Variants in CDK8 observed in about 807,000 individuals in gnomAD.
CDK8 encodes cyclin dependent kinase 8, also known as cyclin-dependent kinase 8.
CDK8 carries 29 observed loss-of-function variants against 71.5 expected under a neutral mutation model. The ratio of observed to expected loss-of-function variants is 0.41; its 90% CI spans 0.30 to 0.55. CDK8 has a LOEUF of 0.55. CDK8 is among the 20% of genes least tolerant of loss of function. The pLI is 0.37. For missense variants in CDK8, 288 were observed against 572.6 expected, an observed-to-expected ratio of 0.50 and a Z score of 5.07; for synonymous variants, 161 against 192.1, an observed-to-expected ratio of 0.84 and a Z score of 1.34.
At chr13:26,363,099 A>T (rs1490300491) in intron 4 of CDK8, among the ~76,000 whole-genome samples, 1 of 150,318 alleles carries the variant, frequency 6.7e-6, no homozygotes, top group Non-Finnish European at 1.5e-5. Flanking sequence ...AGGTGAGTGG[A>T]TCACGAGGTC....
At chr13:26,284,688 A>G (rs995458104) in intron 1 of CDK8, among the ~76,000 whole-genome samples, 12 of 152,190 alleles carry the variant, frequency 7.9e-5, no homozygotes, top group African/African-American at 2.9e-4. Context: ...TCTATCAGGC[A>G]TTCAGAGAAG....
intron 1 of CDK8, among the ~76,000 whole-genome samples, chr13:26,288,088 G>A (rs1410018204): frequency 6.6e-6 from 1 of 151,924 alleles, no homozygotes; most frequent in Non-Finnish European, 1.5e-5. Flanking sequence ...TCAGCCTCCC[G>A]AGTAGCTGGG....
At position 26,404,215 on chromosome 13, in the gene CDK8, C is replaced by A; in HGVS notation, c.*134C>A. 9.5e-7 allele frequency: 1 copy of A among 1,049,848 alleles called. No individual in the cohort carries two copies. Among genetic ancestry groups the A allele is most frequent in the Non-Finnish European group, 1.4e-6 (1 of 740,686 alleles). The allele number at this position is 1,049,848 out of a possible 1,614,324, so 65.0% of individuals were successfully genotyped here. A position where few individuals can be genotyped will look rare whatever the true frequency, so the allele number is the denominator to read the frequency against. ...CTTCAAAATGTCCAGTAGCCAAGTT[C>A]CACCACTTTTCACAGATTGGGGTAG... On this transcript the variant is annotated 3_prime_UTR_variant, in exon 13 of 13. Coordinates refer to ENST00000381527, the MANE Select transcript of CDK8 (RefSeq NM_001260.3).
Position 26,401,406 on chromosome 13 carries a change from C to A in CDK8, c.1110+59C>A. On this transcript the variant is annotated intron_variant, in intron 11 of 12. Transcript: ENST00000381527. The surrounding 1 kb of genome is among the most constrained non-coding windows in gnomAD (Gnocchi z 4.5). ...TTCGTGAATGCCTCCATAACATTTT[C>A]CATTGTGGGTATATTTTGTTCTCCC... The A allele has an allele frequency of 6.2e-7, 1 of 1,612,242 alleles. No homozygotes were observed. The highest frequency in any genetic ancestry group is 8.5e-7 in the Non-Finnish European group (1 of 1,178,414).
At chr13:26,315,995 C>T (rs1313835686) in intron 1 of CDK8, among the ~76,000 whole-genome samples, 1 of 152,204 alleles carries the variant, frequency 6.6e-6, no homozygotes, top group Non-Finnish European at 1.5e-5. Context: ...GTCAATTTCA[C>T]TCTTAGCACA....
intron 1 of CDK8, among the ~76,000 whole-genome samples, chr13:26,326,522 A>G (rs1875024640): frequency 6.6e-6 from 1 of 152,214 alleles, no homozygotes; most frequent in South Asian, 2.1e-4. Context: ...TCTTTGTTCC[A>G]TGGGTCCTGA....
At chr13:26,353,137 A>G (rs1331503542) in intron 3 of CDK8, among the ~76,000 whole-genome samples, 1 of 152,262 alleles carries the variant, frequency 6.6e-6, no homozygotes, top group Non-Finnish European at 1.5e-5. Context: ...TTTTCTATGT[A>G]TAAAGTTGTG....
intron 1 of CDK8, among the ~76,000 whole-genome samples, chr13:26,314,882 CAATAT>C (rs1267696327): frequency 6.6e-6 from 1 of 151,970 alleles, no homozygotes; most frequent in African/African-American, 2.4e-5. Flanking sequence ...GTCTTTTATA[CAATAT>C]TTGTCATTTA....
intron 1 of CDK8, among the ~76,000 whole-genome samples, chr13:26,313,774 G>A (rs758628920): frequency 5.3e-5 from 8 of 152,184 alleles, no homozygotes; most frequent in Non-Finnish European, 1.0e-4. Context: ...AAGTAAGGTG[G>A]AATTGGGGAT....
intron 1 of CDK8, among the ~76,000 whole-genome samples, chr13:26,272,678 T>C (rs1872385588): frequency 6.6e-6 from 1 of 152,248 alleles, no homozygotes. Flanking sequence ...TCATTTATTA[T>C]CAAGTATTAT....
intron 1 of CDK8, among the ~76,000 whole-genome samples, chr13:26,259,173 CAT>C (rs1447534502): frequency 6.6e-6 from 1 of 152,106 alleles, no homozygotes; most frequent in Admixed American, 6.5e-5. Context: ...CTGGAATAGT[CAT>C]GTATACAATA....
At chr13:26,329,110 T>C (rs1472078985) in intron 1 of CDK8, among the ~76,000 whole-genome samples, 1 of 152,184 alleles carries the variant, frequency 6.6e-6, no homozygotes, top group Non-Finnish European at 1.5e-5. Context: ...TCAGTCTCAG[T>C]TTTTATACTT....
chr13:26,259,465 G>A (rs970480697), intron 1 of CDK8, among the ~76,000 whole-genome samples: 6 of 152,102 alleles, frequency 3.9e-5, no homozygotes, highest in Non-Finnish European at 5.9e-5. Context: ...GAGGATATGC[G>A]TAGGTTATAT....
chr13:26,365,994 A>G (rs1403436447), intron 4 of CDK8, among the ~76,000 whole-genome samples: 1 of 152,138 alleles, frequency 6.6e-6, no homozygotes, highest in Non-Finnish European at 1.5e-5. Flanking sequence ...ATAAAAATTA[A>G]TATCTCAGTC....
At chr13:26,288,898 C>T (rs190774682) in intron 1 of CDK8, among the ~76,000 whole-genome samples, 46 of 151,348 alleles carry the variant, frequency 3.0e-4, no homozygotes, top group Middle Eastern at 3.5e-3. Context: ...ACTATAGGCA[C>T]GTGCCACTGC....
chr13:26,315,339 G>T (rs755329050), intron 1 of CDK8, among the ~76,000 whole-genome samples: 4 of 152,202 alleles, frequency 2.6e-5, no homozygotes, highest in Non-Finnish European at 5.9e-5. Context: ...ACAGCTTTAA[G>T]TGAAAGGCTT....
chr13:26,308,821 C>G (rs1874156645), intron 1 of CDK8, among the ~76,000 whole-genome samples: 1 of 152,180 alleles, frequency 6.6e-6, no homozygotes, highest in Non-Finnish European at 1.5e-5. Context: ...TCCCTCATTC[C>G]ACTTAACTGT....
chr13:26,371,261 C>T (rs1261545584), intron 4 of CDK8, among the ~76,000 whole-genome samples: 1 of 152,138 alleles, frequency 6.6e-6, no homozygotes, highest in Non-Finnish European at 1.5e-5. Flanking sequence ...CACATTTAGT[C>T]TGTCTGACAA....
rs546817936 is a variant in CDK8 at position 26,342,755 on chromosome 13, G to A, written c.204+5113G>A. ...ACAACAAAACACCACCACCAACAAA[G>A]GTGTTTTACTTATTCAGTAGTAATA... On this transcript the variant is annotated intron_variant, in intron 2 of 12. Transcript: ENST00000381527. Among the ~76,000 whole-genome samples, 3 of 152,222 alleles carry A rather than the reference G, an allele frequency of 2.0e-5. No individual in the cohort carries two copies. In the South Asian group the frequency reaches 6.2e-4, roughly 32 times the overall value.
Sources: gnomAD v4.1 joint callset for allele counts (sites outside exome capture counted in the v4.1 genomes callset) on GRCh38, gnomAD v4.1.1 for gene constraint, Gnocchi (gnomAD v3.1) non-coding constraint, MANE v1.5 for transcripts, NCBI Gene and HGNC (gene_info 2026-07-23, HGNC 2026-07-21) for gene names.